NDUFAF2: variants seen among roughly 807,000 people sequenced by gnomAD.
The protein encoded by NDUFAF2 is NADH:ubiquinone oxidoreductase complex assembly factor 2.
A neutral mutation model predicts 22.8 loss-of-function variants in NDUFAF2; 13 were observed. The observed-to-expected ratio is 0.57, with a 90% confidence interval of 0.37 to 0.91. NDUFAF2 has a LOEUF of 0.91. Ranked by LOEUF, NDUFAF2 falls within the 40% of genes least tolerant of loss-of-function variation. The probability of loss-of-function intolerance (pLI) is 0.01; values close to 1 mark genes in which losing one functional copy is unlikely to be tolerated. For synonymous variants in NDUFAF2, 53 were observed against 64.2 expected (o/e 0.83, Z 0.84); for missense variants, 162 against 195.2 (o/e 0.83, Z 1.01).
chr5:61,056,243 A>T (rs1580115615), intron 1 of NDUFAF2, among the ~76,000 whole-genome samples: 1 of 152,144 alleles, frequency 6.6e-6, no homozygotes, highest in Admixed American at 6.5e-5. Context: ...CTCCATTTTT[A>T]TATGCACTCT....
intron 2 of NDUFAF2, among the ~76,000 whole-genome samples, chr5:61,086,821 G>T (rs1027772091): frequency 6.6e-6 from 1 of 152,046 alleles, no homozygotes; most frequent in Non-Finnish European, 1.5e-5. Flanking sequence ...ATTTATTAGA[G>T]CAAAGGAAAA....
chr5:61,010,225 T>C (rs12655209), intron 1 of NDUFAF2, among the ~76,000 whole-genome samples: 62,341 of 151,920 alleles, frequency 0.41, 13,698 homozygotes, highest in East Asian at 0.79. Flanking sequence ...TCTGATTATA[T>C]GACTGTAGCT....
chr5:61,124,431 AT>A (rs1753011081), intron 3 of NDUFAF2, among the ~76,000 whole-genome samples: 1 of 151,918 alleles, frequency 6.6e-6, no homozygotes, highest in Non-Finnish European at 1.5e-5. Flanking sequence ...AAAGATTTCT[AT>A]TTTGGACATA....
intron 3 of NDUFAF2, among the ~76,000 whole-genome samples, chr5:61,118,372 A>G (rs1752938116): frequency 6.6e-6 from 1 of 152,198 alleles, no homozygotes; most frequent in African/African-American, 2.4e-5. Flanking sequence ...CGTGCCTTAT[A>G]TTATAGTTTC....
intron 1 of NDUFAF2, among the ~76,000 whole-genome samples, chr5:60,972,242 A>AT (rs747590997): frequency 0.018 from 2,399 of 133,218 alleles, 59 homozygotes; most frequent in African/African-American, 0.058. Flanking sequence ...TGCCTGGCCC[A>AT]TTTTTTTTTT....
chr5:61,079,268 A>C (rs1752410206), intron 2 of NDUFAF2, among the ~76,000 whole-genome samples: 2 of 152,198 alleles, frequency 1.3e-5, no homozygotes, highest in Non-Finnish European at 2.9e-5. Flanking sequence ...TGTCTTTCTC[A>C]GGCCACAGGA....
chr5:61,093,655 G>T (rs754002560), intron 2 of NDUFAF2, among the ~76,000 whole-genome samples: 18 of 152,224 alleles, frequency 1.2e-4, no homozygotes, highest in Non-Finnish European at 2.1e-4. Context: ...CTGTATTCAG[G>T]TTGCTAGTAC....
chr5:60,954,964 C>G (rs1750596784), intron 1 of NDUFAF2, among the ~76,000 whole-genome samples: 1 of 152,160 alleles, frequency 6.6e-6, no homozygotes, highest in Non-Finnish European at 1.5e-5. Flanking sequence ...ATAGAAGTCA[C>G]TGATACATTT....
At chr5:61,130,871 G>A (rs937808218) in intron 3 of NDUFAF2, among the ~76,000 whole-genome samples, 25 of 152,076 alleles carry the variant, frequency 1.6e-4, no homozygotes, top group Non-Finnish European at 2.6e-4. Flanking sequence ...ATAACAATAC[G>A]AAACAGTACC....
At chr5:61,120,092 C>G (rs568318185) in intron 3 of NDUFAF2, among the ~76,000 whole-genome samples, 2 of 151,868 alleles carry the variant, frequency 1.3e-5, no homozygotes, top group African/African-American at 2.4e-5. Flanking sequence ...ACTTAACTAC[C>G]GTAATAAATA....
At chr5:61,124,425 A>G (rs1012384592) in intron 3 of NDUFAF2, among the ~76,000 whole-genome samples, 1 of 151,848 alleles carries the variant, frequency 6.6e-6, no homozygotes, top group East Asian at 1.9e-4. Context: ...TTATGGAAAG[A>G]TTTCTATTTT....
chr5:61,030,774 T>C (rs1751712973), intron 1 of NDUFAF2, among the ~76,000 whole-genome samples: 1 of 152,124 alleles, frequency 6.6e-6, no homozygotes, highest in Non-Finnish European at 1.5e-5. Context: ...AAAAAATACT[T>C]AAAAGCATAT....
chr5:61,089,017 G>A (rs1343958526), intron 2 of NDUFAF2, among the ~76,000 whole-genome samples: 2 of 152,044 alleles, frequency 1.3e-5, no homozygotes, highest in Non-Finnish European at 2.9e-5. Flanking sequence ...CGCTTCTAAA[G>A]GTGTACTTGC....
intron 1 of NDUFAF2, among the ~76,000 whole-genome samples, chr5:60,961,765 CAAAA>C (rs11333036): frequency 2.4e-4 from 28 of 114,768 alleles, no homozygotes; most frequent in African/African-American, 7.7e-4. Flanking sequence ...GACTCTGTCT[CAAAA>C]AAAAAAAAAA....
intron 3 of NDUFAF2, among the ~76,000 whole-genome samples, chr5:61,136,005 T>TTTTATATATATATA (rs1554018944): frequency 1.0e-5 from 1 of 96,052 alleles, no homozygotes; most frequent in African/African-American, 5.5e-5. Flanking sequence ...AAGCCTGTCT[T>TTTTATATATATATA]TATATATATA....
intron 1 of NDUFAF2, among the ~76,000 whole-genome samples, chr5:61,064,972 C>T (rs1443173875): frequency 3.3e-5 from 5 of 151,288 alleles, no homozygotes; most frequent in Non-Finnish European, 7.4e-5. Context: ...AAACCCTTAA[C>T]CAGTCTAAGA....
At chr5:61,005,306 A>G (rs1751351805) in intron 1 of NDUFAF2, among the ~76,000 whole-genome samples, 1 of 152,162 alleles carries the variant, frequency 6.6e-6, no homozygotes, top group Admixed American at 6.5e-5. Context: ...CATGGTGTAT[A>G]TGTGCCACAT....
At chr5:61,061,331 A>G (rs765199088) in intron 1 of NDUFAF2, among the ~76,000 whole-genome samples, 9 of 152,120 alleles carry the variant, frequency 5.9e-5, no homozygotes, top group Non-Finnish European at 1.2e-4. Context: ...ATGGTAAGCA[A>G]GAGCCCTTTT....
intron 1 of NDUFAF2, among the ~76,000 whole-genome samples, chr5:61,048,470 A>G (rs767634): frequency 0.096 from 14,600 of 152,120 alleles, 912 homozygotes; most frequent in South Asian, 0.19. Flanking sequence ...TTGTTTTTAT[A>G]GGAAGTGAAG....
Sources: gnomAD v4.1 joint callset for allele counts (sites outside exome capture counted in the v4.1 genomes callset) on GRCh38, gnomAD v4.1.1 for gene constraint, MANE v1.5 for transcripts, NCBI Gene and HGNC (gene_info 2026-07-23, HGNC 2026-07-21) for gene names.